The following MREG variants were observed in gnomAD, a reference collection of about 807,000 sequenced individuals.
The protein encoded by MREG is dilute suppressor protein homolog.
Under a neutral mutation model 28.5 loss-of-function variants are expected in MREG, and 31 were observed. That is an observed-to-expected ratio of 1.09 (90% CI 0.82 to 1.47). The LOEUF (loss-of-function observed/expected upper bound fraction) is 1.47. Ranked by LOEUF, MREG falls within the 40% of genes most tolerant of loss-of-function variation. MREG has a pLI of 0.00. For synonymous variants in MREG, 106 were observed against 95.2 expected (o/e 1.11, Z -0.66); for missense variants, 256 against 257.4 (o/e 0.99, Z 0.04).
At chr2:216,022,864 G>A (rs1024887357) in intron 1 of MREG, among the ~76,000 whole-genome samples, 28 of 152,186 alleles carry the variant, frequency 1.8e-4, no homozygotes, top group African/African-American at 6.3e-4. Flanking sequence ...AAGGTGACTC[G>A]AAGTTGCAAA....
At chr2:215,941,699 C>G (rs1204263204), downstream of MREG, 1 of 152,206 alleles carries the variant, frequency 6.6e-6, no homozygotes, top group Non-Finnish European at 1.5e-5. Context: ...ATTAAGGTGG[C>G]TGTGTCCTAT....
At chr2:215,940,111 CCTGA>C (rs1559170291), downstream of MREG, among the ~76,000 whole-genome samples, 1 of 152,158 alleles carries the variant, frequency 6.6e-6, no homozygotes, top group Non-Finnish European at 1.5e-5. Flanking sequence ...AATCTGGTTG[CCTGA>C]CTTAGTTCTC....
chr2:215,982,511 A>G (rs1168947858), intron 2 of MREG, among the ~76,000 whole-genome samples: 2 of 152,188 alleles, frequency 1.3e-5, no homozygotes, highest in East Asian at 1.9e-4. Context: ...CGAATGGTGC[A>G]ATAGCATCAG....
chr2:216,001,976 C>T (rs1474246135), intron 1 of MREG, among the ~76,000 whole-genome samples: 1 of 152,140 alleles, frequency 6.6e-6, no homozygotes, highest in Non-Finnish European at 1.5e-5. Context: ...GGCCTGAAAA[C>T]CCCTGGGAGG....
intron 1 of MREG, among the ~76,000 whole-genome samples, chr2:216,019,888 C>A (rs1026900214): frequency 1.3e-5 from 2 of 152,146 alleles, no homozygotes; most frequent in Admixed American, 1.3e-4. Context: ...TAGTCATAGT[C>A]TTTGCTTATT....
upstream of MREG, among the ~76,000 whole-genome samples, chr2:216,015,881 G>T (rs773070513): frequency 1.3e-5 from 2 of 152,228 alleles, no homozygotes; most frequent in Non-Finnish European, 2.9e-5. Context: ...ATAGAGGAGT[G>T]TGGGAGGAGC....
At chr2:215,968,776 G>A (rs1027124243) in intron 2 of MREG, among the ~76,000 whole-genome samples, 3 of 152,148 alleles carry the variant, frequency 2.0e-5, no homozygotes, top group Non-Finnish European at 4.4e-5. Context: ...TTTTCTTTGA[G>A]ACAGGGCCTC....
intron 1 of MREG, among the ~76,000 whole-genome samples, chr2:216,001,168 A>C (rs1003297722): frequency 8.6e-5 from 13 of 151,958 alleles, no homozygotes; most frequent in Non-Finnish European, 1.6e-4. Flanking sequence ...TACATGCATG[A>C]CTTCAGCCAG....
downstream of MREG, among the ~76,000 whole-genome samples, chr2:215,940,424 G>A (rs1692184457): frequency 6.6e-6 from 1 of 152,196 alleles, no homozygotes; most frequent in Admixed American, 6.5e-5. Flanking sequence ...GGAAGCCAGG[G>A]TTGTGCCATG....
At chr2:216,011,958 A>T (rs1694322551) in intron 1 of MREG, among the ~76,000 whole-genome samples, 1 of 152,250 alleles carries the variant, frequency 6.6e-6, no homozygotes, top group Non-Finnish European at 1.5e-5. Context: ...TAAAAATCTA[A>T]GTGGGAGTGT....
Position 216,013,461 on chromosome 2 carries a change from C to G in MREG, c.-134G>C, listed in dbSNP as rs1011290620. On this transcript the variant is annotated 5_prime_UTR_variant, in exon 1 of 5. Transcript: ENST00000263268. ...GGCAGCCCGGGCGTCGCGGGCTGGT[C>G]CGCGCGCATCACGCCGCGGCCGGGG... The G allele has an allele frequency of 2.1e-4, 81 of 377,836 alleles. No homozygotes were observed. Among genetic ancestry groups the G allele is most frequent in the African/African-American group, 1.7e-3 (79 of 46,228 alleles). The allele number at this position is 377,836 out of a possible 1,614,324, so 23.4% of individuals were successfully genotyped here. A position where few individuals can be genotyped will look rare whatever the true frequency, so the allele number is the denominator to read the frequency against.
At chr2:215,963,507 A>T (rs1279037799) in intron 2 of MREG, among the ~76,000 whole-genome samples, 3 of 150,002 alleles carry the variant, frequency 2.0e-5, no homozygotes, top group African/African-American at 7.5e-5. Context: ...TAATTTTGTT[A>T]TATAACTGAT....
intron 1 of MREG, among the ~76,000 whole-genome samples, chr2:216,027,977 T>A (rs1265876263): frequency 6.6e-6 from 1 of 152,244 alleles, no homozygotes; most frequent in Non-Finnish European, 1.5e-5. Flanking sequence ...ATTTTAATGT[T>A]TAATTCTCAA....
chr2:216,019,543 C>G (rs1694492494), intron 1 of MREG, among the ~76,000 whole-genome samples: 1 of 149,202 alleles, frequency 6.7e-6, no homozygotes, highest in Admixed American at 6.7e-5. Flanking sequence ...CTTGCTCTGT[C>G]GCCCAGGCTG....
chr2:215,997,043 A>C (rs1329946302), intron 1 of MREG, among the ~76,000 whole-genome samples: 1 of 152,202 alleles, frequency 6.6e-6, no homozygotes, highest in African/African-American at 2.4e-5. Context: ...GGCCTCCCGA[A>C]GTGCTGGGAT....
rs865914519 is a variant in MREG at position 215,968,037 on chromosome 2, A to C, written c.256-20924T>G. On this transcript the variant is annotated intron_variant, in intron 2 of 4. Coordinates refer to ENST00000263268, the MANE Select transcript of MREG (RefSeq NM_018000.3). Reference sequence around the variant, plus strand: ...CAATATTTAATGTTTTGGGGGTTAAAAGCTACATCACCTCTTCACAGCACA... The same window carrying C: ...CAATATTTAATGTTTTGGGGGTTAACAGCTACATCACCTCTTCACAGCACA... Among the ~76,000 whole-genome samples, 28 of 152,328 alleles carry C rather than the reference A, an allele frequency of 1.8e-4. No individual in the cohort carries two copies. In the Middle Eastern group the frequency reaches 0.014, roughly 74 times the overall value.
Position 216,013,392 on chromosome 2 carries a change from G to C in MREG, c.-65C>G. On this transcript the variant is annotated 5_prime_UTR_variant, in exon 1 of 5. Transcript: ENST00000263268. ...CGAGTCGCCGCGGCGAGCGATCGAG[G>C]CTGGGGCGCGGCCACCGCGCCAGCG... The C allele has an allele frequency of 8.1e-7, 1 of 1,227,194 alleles. No individual in the cohort carries two copies. The highest frequency in any genetic ancestry group is 2.1e-5 in the South Asian group (1 of 48,440). The allele number at this position is 1,227,194 out of a possible 1,614,324, so 76.0% of individuals were successfully genotyped here. A position where few individuals can be genotyped will look rare whatever the true frequency, so the allele number is the denominator to read the frequency against.
At chr2:215,950,577 T>G (rs919787839) in intron 2 of MREG, among the ~76,000 whole-genome samples, 2 of 152,214 alleles carry the variant, frequency 1.3e-5, no homozygotes. Context: ...TCAATGAAAC[T>G]ATGGATGTCA....
intron 2 of MREG, among the ~76,000 whole-genome samples, chr2:215,950,398 CTGTT>C (rs1313653399): frequency 1.3e-5 from 2 of 152,160 alleles, no homozygotes; most frequent in African/African-American, 4.8e-5. Context: ...GTTTCAGTGT[CTGTT>C]ACTCTGATAA....
Sources: allele counts gnomAD v4.1 joint callset (sites outside exome capture counted in the v4.1 genomes callset), GRCh38; gene constraint gnomAD v4.1.1; transcripts MANE v1.5; gene names NCBI Gene and HGNC (gene_info 2026-07-23, HGNC 2026-07-21).